The following STAG1 variants were observed in gnomAD, a reference collection of about 807,000 sequenced individuals.
STAG1 encodes the protein cohesin subunit SA-1.
A neutral mutation model predicts 170.9 loss-of-function variants in STAG1; 26 were observed. The ratio of observed to expected loss-of-function variants is 0.15; its 90% CI spans 0.11 to 0.21. The LOEUF (loss-of-function observed/expected upper bound fraction) is 0.21, where lower values mean the gene tolerates loss of function less well. Among genes scored for constraint, STAG1 ranks in the 10% least tolerant of loss-of-function variants. STAG1 has a pLI of 1.00. For synonymous variants in STAG1, 514 were observed against 497.7 expected, an observed-to-expected ratio of 1.03 and a Z score of -0.44; for missense variants, 964 against 1,509.5, an observed-to-expected ratio of 0.64 and a Z score of 5.99.
At chr3:136,456,410 C>T (rs1317449359) in intron 13 of STAG1, among the ~76,000 whole-genome samples, 1 of 152,074 alleles carries the variant, frequency 6.6e-6, no homozygotes, top group Non-Finnish European at 1.5e-5. Context: ...CTTGACCAAA[C>T]AGAGGAAAGA....
chr3:136,603,127 A>G (rs1938752495), intron 4 of STAG1, among the ~76,000 whole-genome samples: 2 of 152,142 alleles, frequency 1.3e-5, no homozygotes, highest in Non-Finnish European at 2.9e-5. Context: ...TAAAAAATAT[A>G]ATAGAAAGTA....
At chr3:136,364,572 C>T (rs903026582) in intron 25 of STAG1, among the ~76,000 whole-genome samples, 5 of 152,152 alleles carry the variant, frequency 3.3e-5, no homozygotes, top group African/African-American at 9.7e-5. Flanking sequence ...ATACTTTGTG[C>T]ACTATCTCAT....
intron 1 of STAG1, among the ~76,000 whole-genome samples, chr3:136,685,299 G>C (rs766923219): frequency 4.0e-5 from 6 of 151,854 alleles, no homozygotes; most frequent in Non-Finnish European, 8.8e-5. Context: ...CTGGGCGACA[G>C]AATGAGACTT....
chr3:136,435,325 G>T (rs1202865023), intron 15 of STAG1, among the ~76,000 whole-genome samples: 1 of 152,110 alleles, frequency 6.6e-6, no homozygotes, highest in Non-Finnish European at 1.5e-5. Context: ...TTCACAGACA[G>T]GGAGAATGAG....
chr3:136,381,694 T>C (rs1172745221), intron 22 of STAG1, among the ~76,000 whole-genome samples: 1 of 152,216 alleles, frequency 6.6e-6, no homozygotes, highest in Non-Finnish European at 1.5e-5. Flanking sequence ...TTGACCTTTT[T>C]AATAGAAAAG....
At chr3:136,405,264 CG>C (rs1451585004) in intron 21 of STAG1, among the ~76,000 whole-genome samples, 29 of 90,598 alleles carry the variant, frequency 3.2e-4, no homozygotes, top group Non-Finnish European at 4.9e-4. Context: ...TTTTTTCAGA[CG>C]AAGTCTCACT....
chr3:136,682,597 C>T (rs1000795653), intron 1 of STAG1, among the ~76,000 whole-genome samples: 3 of 151,730 alleles, frequency 2.0e-5, no homozygotes, highest in Non-Finnish European at 4.4e-5. Context: ...CACTTTTAAA[C>T]AATTTGAAAA....
intron 5 of STAG1, among the ~76,000 whole-genome samples, chr3:136,551,264 A>AGAGC (rs1576597827): frequency 7.2e-6 from 1 of 139,032 alleles, no homozygotes; most frequent in African/African-American, 2.7e-5. Flanking sequence ...AGAGAGAGGG[A>AGAGC]GAGCGAGAGA....
At chr3:136,729,570 C>CTTTTTT (rs34078029) in intron 1 of STAG1, among the ~76,000 whole-genome samples, 13 of 94,638 alleles carry the variant, frequency 1.4e-4, no homozygotes, top group African/African-American at 6.0e-4. Flanking sequence ...TGTAGTTTTC[C>CTTTTTT]TTTTTTTTTT....
chr3:136,623,103 C>G, intron 3 of STAG1, 43 bp downstream of exon 3: 1 of 1,515,152 alleles, frequency 6.6e-7, no homozygotes, highest in Non-Finnish European at 9.1e-7. Flanking sequence ...CTCATTAACA[C>G]GGTCACTATT....
At chr3:136,517,380 A>G (rs1181364494) in intron 7 of STAG1, among the ~76,000 whole-genome samples, 3 of 152,190 alleles carry the variant, frequency 2.0e-5, no homozygotes, top group Non-Finnish European at 4.4e-5. Context: ...CATCACAGAA[A>G]ATTATGTAGG....
intron 6 of STAG1, among the ~76,000 whole-genome samples, chr3:136,529,783 A>C (rs1935275673): frequency 6.6e-6 from 1 of 152,196 alleles, no homozygotes; most frequent in South Asian, 2.1e-4. Context: ...ACAGAAAATC[A>C]CCAAACAACA....
chr3:136,745,455 G>C (rs1206664293), intron 1 of STAG1, among the ~76,000 whole-genome samples: 3 of 152,166 alleles, frequency 2.0e-5, no homozygotes, highest in Admixed American at 6.5e-5. Flanking sequence ...CCACGGATGG[G>C]GTGGGGAATC....
chr3:136,362,351 T>C (rs751461569), intron 26 of STAG1, among the ~76,000 whole-genome samples: 1 of 152,202 alleles, frequency 6.6e-6, no homozygotes, highest in African/African-American at 2.4e-5. Flanking sequence ...TGGGATTTAT[T>C]TATCTTTCCT....
rs1248384076 is a variant in STAG1, at chr3:136,626,759, T to C, written c.30-3511A>G. The stretch of plus-strand genomic sequence containing the variant: ...GTTTACATATGTTATCTATAATACA[T>C]ATGCACAAAAACCTTGTAAGAAGCA... On this transcript the variant is annotated intron_variant, in intron 2 of 33. Transcript: ENST00000383202. Among the ~76,000 whole-genome samples, 4 of 152,206 alleles carry C rather than the reference T, an allele frequency of 2.6e-5. No homozygotes were observed. In the South Asian group the frequency reaches 6.2e-4, roughly 24 times the overall value.
At chr3:136,590,520 CA>C (rs1938112249) in intron 4 of STAG1, among the ~76,000 whole-genome samples, 2 of 150,236 alleles carry the variant, frequency 1.3e-5, no homozygotes, top group African/African-American at 4.9e-5. Context: ...AAAACAAAAA[CA>C]AAAAAACTAA....
chr3:136,425,629 T>G (rs1412486812), intron 16 of STAG1, among the ~76,000 whole-genome samples: 1 of 151,814 alleles, frequency 6.6e-6, no homozygotes, highest in Admixed American at 6.6e-5. Flanking sequence ...GTAAAAACTC[T>G]ATTAGGCTAA....
chr3:136,458,482 A>G (rs2089181522), intron 13 of STAG1, among the ~76,000 whole-genome samples: 2 of 152,182 alleles, frequency 1.3e-5, no homozygotes, highest in South Asian at 2.1e-4. Context: ...TAACTACAAG[A>G]TATTTTTTAC....
chr3:136,649,954 A>G (rs1941157796), intron 1 of STAG1, among the ~76,000 whole-genome samples: 1 of 152,012 alleles, frequency 6.6e-6, no homozygotes, highest in Non-Finnish European at 1.5e-5. Flanking sequence ...TTTTTAATAG[A>G]GAGGGGGTTT....
Sources: allele counts gnomAD v4.1 joint callset (sites outside exome capture counted in the v4.1 genomes callset), GRCh38; gene constraint gnomAD v4.1.1; transcripts MANE v1.5; gene names NCBI Gene and HGNC (gene_info 2026-07-23, HGNC 2026-07-21).